Variants in LMBR1 observed in about 807,000 individuals in gnomAD.
The protein encoded by LMBR1 is limb region 1 protein homolog.
Under a neutral mutation model 73.9 loss-of-function variants are expected in LMBR1, and 52 were observed. That is an observed-to-expected ratio of 0.70 (90% CI 0.56 to 0.89). The LOEUF (loss-of-function observed/expected upper bound fraction) is 0.89, where lower values mean the gene tolerates loss of function less well. Among genes scored for constraint, LMBR1 ranks in the 40% least tolerant of loss-of-function variants. LMBR1 has a pLI of 0.00. For missense variants in LMBR1, 539 were observed against 579.8 expected, an observed-to-expected ratio of 0.93 and a Z score of 0.72; for synonymous variants, 215 against 209.4, an observed-to-expected ratio of 1.03 and a Z score of -0.23.
chr7:156,861,131 G>T (rs189515472), intron 1 of LMBR1, among the ~76,000 whole-genome samples: 29 of 152,296 alleles, frequency 1.9e-4, no homozygotes, highest in African/African-American at 6.5e-4. Flanking sequence ...CTCCATGAGG[G>T]CCCAGCCCCT....
chr7:156,728,110 G>A, intron 11 of LMBR1, 103 bp from the exon 12 acceptor site: 1 of 821,910 alleles, frequency 1.2e-6, no homozygotes, highest in Non-Finnish European at 2.0e-6. Context: ...AGGGAAAGCA[G>A]TCAAGACCAA....
At chr7:156,790,270 G>A (rs1357412877) in intron 5 of LMBR1, among the ~76,000 whole-genome samples, 1 of 152,014 alleles carries the variant, frequency 6.6e-6, no homozygotes, top group East Asian at 1.9e-4. Flanking sequence ...GTGCATTTAA[G>A]CACCTAATAA....
intron 1 of LMBR1, among the ~76,000 whole-genome samples, chr7:156,889,807 G>A (rs1432982432): frequency 6.6e-6 from 1 of 152,116 alleles, no homozygotes; most frequent in African/African-American, 2.4e-5. Context: ...TGGGCAACAC[G>A]GTGAGACCTC....
chr7:156,815,499 A>G (rs1408089683), intron 4 of LMBR1, among the ~76,000 whole-genome samples: 1 of 152,174 alleles, frequency 6.6e-6, no homozygotes, highest in African/African-American at 2.4e-5. Context: ...GAAGCATATA[A>G]AGTCCTCTAA....
intron 1 of LMBR1, among the ~76,000 whole-genome samples, chr7:156,847,033 T>C (rs1035153860): frequency 4.6e-5 from 7 of 152,116 alleles, no homozygotes; most frequent in African/African-American, 1.7e-4. Flanking sequence ...CAAAACATTA[T>C]AAGGCTACAA....
chr7:156,793,096 G>C (rs1829512275), intron 5 of LMBR1, among the ~76,000 whole-genome samples: 1 of 152,104 alleles, frequency 6.6e-6, no homozygotes, highest in Non-Finnish European at 1.5e-5. Context: ...ATAAATATAT[G>C]TACTTATTCG....
intron 5 of LMBR1, among the ~76,000 whole-genome samples, chr7:156,782,860 T>A (rs1310424363): frequency 1.3e-5 from 2 of 152,172 alleles, no homozygotes; most frequent in African/African-American, 4.8e-5. Context: ...GTAGTTTTGA[T>A]CTGCATTTCC....
chr7:156,709,795 C>T (rs1356368825), intron 15 of LMBR1, among the ~76,000 whole-genome samples: 4 of 151,790 alleles, frequency 2.6e-5, no homozygotes, highest in East Asian at 1.9e-4. Flanking sequence ...TATAAAAAAC[C>T]GGGTTCTATA....
chr7:156,859,514 T>C (rs534245328), intron 1 of LMBR1, among the ~76,000 whole-genome samples: 2 of 151,990 alleles, frequency 1.3e-5, no homozygotes, highest in Non-Finnish European at 2.9e-5. Context: ...AAAAAGTTAA[T>C]GTTCAAAAAT....
At chr7:156,735,147 A>C (rs567835191) in intron 9 of LMBR1, among the ~76,000 whole-genome samples, 1 of 152,288 alleles carries the variant, frequency 6.6e-6, no homozygotes, top group Non-Finnish European at 1.5e-5. Context: ...GATTCCCAAA[A>C]CTTAGATTGC....
chr7:156,696,144 G>A (rs376066609), intron 15 of LMBR1, among the ~76,000 whole-genome samples: 2 of 152,090 alleles, frequency 1.3e-5, no homozygotes, highest in African/African-American at 2.4e-5. Context: ...TTGTGATCCC[G>A]GGTTAGAGAA....
chr7:156,830,893 G>T (rs2133863140), intron 3 of LMBR1, among the ~76,000 whole-genome samples: 1 of 152,342 alleles, frequency 6.6e-6, no homozygotes. Flanking sequence ...TGAGAACAGT[G>T]AACGAACACA....
chr7:156,797,322 G>A (rs1417193967), intron 4 of LMBR1, among the ~76,000 whole-genome samples: 1 of 151,998 alleles, frequency 6.6e-6, no homozygotes, highest in African/African-American at 2.4e-5. Flanking sequence ...TTTTTTACAG[G>A]TAAAAAAATA....
At chr7:156,834,556 T>C (rs767338876) in intron 2 of LMBR1, 17 of 312,772 alleles carry the variant, frequency 5.4e-5, no homozygotes, top group East Asian at 4.4e-4. Context: ...TCAGCCATGA[T>C]TGCCCCACTG....
intron 1 of LMBR1, among the ~76,000 whole-genome samples, chr7:156,886,023 G>C (rs1476835071): frequency 1.3e-5 from 2 of 148,432 alleles, no homozygotes; most frequent in African/African-American, 2.5e-5. Context: ...CTGGGTGACA[G>C]AGTGAGACTC....
intron 5 of LMBR1, among the ~76,000 whole-genome samples, chr7:156,777,720 G>A (rs894671804): frequency 2.6e-5 from 4 of 152,162 alleles, no homozygotes; most frequent in African/African-American, 7.2e-5. Context: ...ACCAACTGCC[G>A]TCTTTCATTA....
At position 156,682,925 on chromosome 7, in the gene LMBR1, T is replaced by C. The variant is rs1180583995; in HGVS notation, c.*1153A>G. ...GATTTCGGTATTCTATCCTAGTGGA[T>C]GGTTGACACAGAGTGCAATTTCATA... On this transcript the variant is annotated 3_prime_UTR_variant, in exon 17 of 17. Transcript: ENST00000353442. 2 of 152,244 alleles carry C rather than the reference T, an allele frequency of 1.3e-5. No homozygotes were observed. The highest frequency in any genetic ancestry group is 4.8e-5 in the African/African-American group (2 of 41,474). The allele number at this position is 152,244 out of a possible 1,614,324, so 9.4% of individuals were successfully genotyped here.
intron 10 of LMBR1, 176 bp downstream of exon 10, chr7:156,734,001 A>G: frequency 2.2e-6 from 1 of 449,490 alleles, no homozygotes; most frequent in South Asian, 6.0e-5. Flanking sequence ...AAAAAAGTGA[A>G]TAAATGTAAA....
At chr7:156,783,817 A>G (rs1267518282) in intron 5 of LMBR1, among the ~76,000 whole-genome samples, 1 of 152,236 alleles carries the variant, frequency 6.6e-6, no homozygotes, top group African/African-American at 2.4e-5. Flanking sequence ...CAGGAAAGAA[A>G]GAAGACAGCT....
Sources: gnomAD v4.1 joint callset for allele counts (sites outside exome capture counted in the v4.1 genomes callset) on GRCh38, gnomAD v4.1.1 for gene constraint, MANE v1.5 for transcripts, NCBI Gene and HGNC (gene_info 2026-07-23, HGNC 2026-07-21) for gene names.